CNTN4: variants seen among roughly 807,000 people sequenced by gnomAD.
CNTN4 encodes contactin-4.
Under a neutral mutation model 122.5 loss-of-function variants are expected in CNTN4, and 77 were observed. That is an observed-to-expected ratio of 0.63 (90% confidence interval 0.52 to 0.76). The LOEUF (loss-of-function observed/expected upper bound fraction) is 0.76. CNTN4 is among the 30% of genes least tolerant of loss of function. The pLI is 0.00. For missense variants in CNTN4, 1,256 were observed against 1,259.1 expected (o/e 1.00, Z 0.04); for synonymous variants, 512 against 447.0 (o/e 1.15, Z -1.83).
At chr3:3,037,086 AGGAT>A in intron 17 of CNTN4, 89 bp from the exon 18 acceptor site, 2 of 1,392,752 alleles carry the variant, frequency 1.4e-6, no homozygotes, top group Non-Finnish European at 2.0e-6. Context: ...AATAATGATG[AGGAT>A]GGATGGATGT....
intron 6 of CNTN4, among the ~76,000 whole-genome samples, chr3:2,785,911 C>T (rs901135317): frequency 2.9e-5 from 4 of 136,932 alleles, no homozygotes; most frequent in Non-Finnish European, 6.4e-5. Context: ...CCCCGCCCCC[C>T]CATCCTGTAC....
At chr3:2,962,995 C>T (rs1251530464) in intron 13 of CNTN4, among the ~76,000 whole-genome samples, 1 of 152,128 alleles carries the variant, frequency 6.6e-6, no homozygotes, top group Non-Finnish European at 1.5e-5. Flanking sequence ...TTGATCAGCG[C>T]AGAGTAGAAT....
intron 4 of CNTN4, among the ~76,000 whole-genome samples, chr3:2,601,455 GGA>G (rs1360705585): frequency 3.3e-5 from 5 of 152,094 alleles, no homozygotes; most frequent in African/African-American, 1.2e-4. Flanking sequence ...TATTAAATAG[GGA>G]ATCCTTTCCT....
intron 3 of CNTN4, among the ~76,000 whole-genome samples, chr3:2,393,327 G>A (rs2046515803): frequency 6.6e-6 from 1 of 152,112 alleles, no homozygotes; most frequent in African/African-American, 2.4e-5. Context: ...CACATTCTGA[G>A]CTGCTGAAGA....
rs1202242350 is a variant in CNTN4, at chr3:2,591,619, C to T, written c.55+20061C>T. On this transcript the variant is annotated intron_variant, in intron 4 of 24. Coordinates refer to ENST00000418658, the MANE Select transcript of CNTN4 (RefSeq NM_175607.3). ...GACCTCGTGATCCGCCCGCCTCGGC[C>T]TCCCAAAGTGCTGGGATTACAGGCG... Among the ~76,000 whole-genome samples the T allele has an allele frequency of 3.9e-5, 2 of 51,664 alleles. 1 individual carries two copies. The allele number at this position is 51,664 out of a possible 152,430, so 33.9% of individuals were successfully genotyped here.
chr3:2,578,919 T>C (rs1272313286), intron 4 of CNTN4, among the ~76,000 whole-genome samples: 1 of 152,124 alleles, frequency 6.6e-6, no homozygotes, highest in Non-Finnish European at 1.5e-5. Context: ...AAATAATAAA[T>C]AGCAAATGCA....
chr3:2,629,604 G>C (rs1339107616), intron 4 of CNTN4: 3 of 447,088 alleles, frequency 6.7e-6, no homozygotes, highest in Middle Eastern at 6.7e-4. Flanking sequence ...TAAGAAAATA[G>C]AAAAGCCTAA....
intron 10 of CNTN4, among the ~76,000 whole-genome samples, chr3:2,893,298 AC>A (rs2094065990): frequency 6.6e-6 from 1 of 152,232 alleles, no homozygotes; most frequent in Non-Finnish European, 1.5e-5. Context: ...TAAGCATCTT[AC>A]AGCAGAGCAT....
intron 14 of CNTN4, among the ~76,000 whole-genome samples, chr3:3,013,349 T>C (rs1010939552): frequency 3.9e-5 from 6 of 152,152 alleles, no homozygotes; most frequent in African/African-American, 7.2e-5. Flanking sequence ...TTCATCATGA[T>C]GACATGTTTA....
chr3:2,607,141 CT>C (rs2149793044), intron 4 of CNTN4, among the ~76,000 whole-genome samples: 1 of 152,206 alleles, frequency 6.6e-6, no homozygotes, highest in Non-Finnish European at 1.5e-5. Flanking sequence ...TTTTTGGCAT[CT>C]GGTTCAAACT....
Position 2,705,867 on chromosome 3 carries a change from ATAATATATAT to A in CNTN4, c.56-30346_56-30337del, listed in dbSNP as rs1190370520. Among the ~76,000 whole-genome samples the A allele has an allele frequency of 1.4e-4, 11 of 80,992 alleles. No individual in the cohort carries two copies. In the East Asian group the frequency reaches 1.9e-3, roughly 14 times the overall value. The allele number at this position is 80,992 out of a possible 152,430, so 53.1% of individuals were successfully genotyped here. A position where few individuals can be genotyped will look rare whatever the true frequency, so the allele number is the denominator to read the frequency against. Reference sequence around the variant, plus strand: ...TAATATATAATATATGTGTTTATATATAATATATATTTTTTATATAATATATAAAATATAT... The same window carrying A: ...TAATATATAATATATGTGTTTATATATTTTTATATAATATATAAAATATAT... On this transcript the variant is annotated intron_variant, in intron 4 of 24. Transcript: ENST00000418658.
chr3:2,826,354 G>A (rs1206967393), intron 7 of CNTN4, among the ~76,000 whole-genome samples: 4 of 152,116 alleles, frequency 2.6e-5, no homozygotes, highest in East Asian at 1.9e-4. Context: ...CCAGCAAAAC[G>A]TCTCTATATG....
chr3:2,543,768 C>A (rs1575924852), intron 3 of CNTN4, among the ~76,000 whole-genome samples: 1 of 152,122 alleles, frequency 6.6e-6, no homozygotes, highest in Non-Finnish European at 1.5e-5. Context: ...ATGATATTTT[C>A]TCTATTAGTT....
chr3:2,654,279 G>A (rs1457798518), intron 4 of CNTN4, among the ~76,000 whole-genome samples: 1 of 152,168 alleles, frequency 6.6e-6, no homozygotes, highest in Non-Finnish European at 1.5e-5. Context: ...GTTGTTTGTT[G>A]AGAATACTGT....
At chr3:2,229,945 G>T (rs371661338) in intron 2 of CNTN4, among the ~76,000 whole-genome samples, 2 of 152,154 alleles carry the variant, frequency 1.3e-5, no homozygotes, top group East Asian at 1.9e-4. Context: ...GTGAATGCAT[G>T]AGAATGTGAG....
At chr3:2,451,331 A>G (rs535174852) in intron 3 of CNTN4, among the ~76,000 whole-genome samples, 1 of 152,136 alleles carries the variant, frequency 6.6e-6, no homozygotes, top group South Asian at 2.1e-4. Context: ...TGTCTTTTGT[A>G]GGATTATACA....
At chr3:2,147,387 A>C (rs2035294272) in intron 2 of CNTN4, among the ~76,000 whole-genome samples, 1 of 152,214 alleles carries the variant, frequency 6.6e-6, no homozygotes, top group African/African-American at 2.4e-5. Flanking sequence ...AGCAAAAAAA[A>C]AAATTTGCAG....
At chr3:2,925,549 A>C in intron 12 of CNTN4, 80 bp from the exon 13 acceptor site, 2 of 1,463,098 alleles carry the variant, frequency 1.4e-6, no homozygotes, top group South Asian at 1.2e-5. Flanking sequence ...TGTCTCAAAA[A>C]AGAAAGAAAG....
chr3:2,269,822 AAGAT>A, intron 2 of CNTN4, among the ~76,000 whole-genome samples: 1 of 152,270 alleles, frequency 6.6e-6, no homozygotes, highest in East Asian at 1.9e-4. Context: ...TGTAGATGGA[AAGAT>A]AGTTTGTAGT....
Sources: allele counts gnomAD v4.1 joint callset (sites outside exome capture counted in the v4.1 genomes callset), GRCh38; gene constraint gnomAD v4.1.1; transcripts MANE v1.5; gene names NCBI Gene and HGNC (gene_info 2026-07-23, HGNC 2026-07-21).